The following TMEM219 variants were observed in gnomAD, a reference collection of about 807,000 sequenced individuals.
TMEM219 encodes transmembrane protein 219, also known as insulin-like growth factor-binding protein 3 receptor.
In TMEM219, 18 loss-of-function variants were observed where a neutral mutation model predicts 17.9. The ratio of observed to expected loss-of-function variants is 1.01; its 90% CI spans 0.70 to 1.49. The LOEUF is 1.49. Among genes scored for constraint, TMEM219 ranks in the 40% most tolerant of loss-of-function variants. The pLI, the probability that TMEM219 is intolerant of heterozygous loss-of-function variation, is 0.00. For missense variants in TMEM219, 288 were observed against 292.4 expected (o/e 0.99, Z 0.11); for synonymous variants, 113 against 124.0 (o/e 0.91, Z 0.59).
chr16:29,963,545 G>C lies in TMEM219; in HGVS notation c.311G>C (p.Arg104Pro). Residue 104 changes from arginine (R) to proline (P), a missense_variant, in exon 3 of 6, where the codon CGG (arginine) becomes CCG (proline). Transcript: ENST00000279396. ...FGDGPDRNKTRTFQATVLGSQ... is the reference protein window; with the variant it reads ...FGDGPDRNKTPTFQATVLGSQ... ...GACGGTCCAGACAGGAACAAGACCCGGACATTCCAGGCCACAGTCCTGGGA... is the reference window on the plus strand; with the variant it reads ...GACGGTCCAGACAGGAACAAGACCCCGACATTCCAGGCCACAGTCCTGGGA... 1 of 1,614,056 alleles carries C rather than the reference G, an allele frequency of 6.2e-7. No homozygotes were observed.
intron 3 of TMEM219, among the ~76,000 whole-genome samples, chr16:29,965,447 G>A (rs2069199801): frequency 6.6e-6 from 1 of 151,904 alleles, no homozygotes; most frequent in African/African-American, 2.4e-5. Flanking sequence ...GGCCGGATGT[G>A]GTGGCTCATG....
intron 3 of TMEM219, 31 bp downstream of exon 3, chr16:29,963,620 C>T (rs780191428): frequency 2.5e-5 from 40 of 1,596,170 alleles, no homozygotes; most frequent in African/African-American, 4.0e-5. Flanking sequence ...TGGTGGCTCA[C>T]GCCTGTAATC....
chr16:29,963,087 T>C lies in TMEM219; in HGVS notation c.-37-20T>C. ...CGTAAAAGCGGTGCTCTTGTCCCAT[T>C]CTCCCTCCCTGTCTTCCAGCAGGCT... On this transcript the variant is annotated intron_variant, in intron 1 of 5. Transcript: ENST00000279396. 6.3e-7 allele frequency: 1 copy of C among 1,588,654 alleles called. No homozygotes were observed. Among genetic ancestry groups the C allele is most frequent in the Non-Finnish European group, 8.6e-7 (1 of 1,169,350 alleles).
chr16:29,968,026 A>T lies in TMEM219; in HGVS notation c.357A>T (p.Gly119=), dbSNP rs2069235669. The T allele has an allele frequency of 1.2e-6, 2 of 1,612,746 alleles. No homozygotes were observed. The highest frequency in any genetic ancestry group is 2.2e-5 in the East Asian group (1 of 44,866). ...TVLGSQMGLK[G]SSAGQLVLIT... is the part of the protein sequence containing the mutation. ...TTTTCTCTTCTGTGCCTTTCACAGG[A>T]TCTTCTGCAGGACAACTGGTCCTTA... The change falls in exon 4 of 6, where the codon GGA becomes GGT. Residue 119 remains glycine (G), a splice_region_variant and synonymous_variant. Transcript: ENST00000279396.
chr16:29,971,752 G>T, intron 5 of TMEM219, 174 bp downstream of exon 5: 1 of 495,534 alleles, frequency 2.0e-6, no homozygotes, highest in Non-Finnish European at 3.5e-6. Flanking sequence ...GACACCGTCA[G>T]CATTCAATAT....
intron 4 of TMEM219, among the ~76,000 whole-genome samples, chr16:29,970,163 G>A (rs905718862): frequency 2.6e-5 from 4 of 151,728 alleles, no homozygotes; most frequent in African/African-American, 9.7e-5. Flanking sequence ...GAACCTGGGA[G>A]GCAGAGGTTG....
chr16:29,963,601 G>A lies in TMEM219; in HGVS notation c.355+12G>A. 1 of 1,610,638 alleles carries A rather than the reference G, an allele frequency of 6.2e-7. No homozygotes were observed. The highest frequency in any genetic ancestry group is 2.2e-5 in the East Asian group (1 of 44,818). ...GATGGGATTGAAAGGTGAGATCAGA[G>A]GCTGGGTGTGGTGGCTCACGCCTGT... On this transcript the variant is annotated intron_variant, in intron 3 of 5. Transcript: ENST00000279396.
chr16:29,963,644 AGG>A, intron 3 of TMEM219, 55 bp downstream of exon 3: 1 of 1,523,424 alleles, frequency 6.6e-7, no homozygotes, highest in Non-Finnish European at 8.9e-7. Context: ...ACACTTTGGG[AGG>A]CTAAGGTAGG....
At chr16:29,967,657 G>T (rs2069228090) in intron 3 of TMEM219, among the ~76,000 whole-genome samples, 1 of 152,206 alleles carries the variant, frequency 6.6e-6, no homozygotes, top group Non-Finnish European at 1.5e-5. Context: ...GCCGGGCACG[G>T]TGGCTCACGC....
At position 29,971,414 on chromosome 16, in the gene TMEM219, C is replaced by G. The variant is rs761356827; in HGVS notation, c.592C>G (p.Leu198Val). The change falls in exon 5 of 6, where the codon CTG becomes GTG. Residue 198 changes from leucine (L) to valine (V), a missense_variant. Coordinates refer to ENST00000279396, the MANE Select transcript of TMEM219 (RefSeq NM_001083613.2). ...VLTKLLTSEE[L>V]ALCGSRLLVL... ...TCCCTGTACCCCTCCCTAGGAGGAG[C>G]TGGCTCTGTGTGGCTCCAGGCTGCT... is the stretch of plus-strand genomic sequence containing the variant. 5.6e-6 allele frequency: 9 copies of G among 1,614,150 alleles called. No homozygotes were observed. The highest frequency in any genetic ancestry group is 3.3e-4 in the Middle Eastern group (2 of 6,062).
At chr16:29,962,870 T>G in intron 1 of TMEM219, 1 of 458,710 alleles carries the variant, frequency 2.2e-6, no homozygotes, top group Non-Finnish European at 4.0e-6. Flanking sequence ...TCAGTTTCCT[T>G]CTTCCAGCAC....
rs1325480907 is a variant in TMEM219, at chr16:29,971,473, C to A, written c.651C>A (p.Gly217=). The change falls in exon 5 of 6, where the codon GGC becomes GGA. Residue 217 remains glycine, a synonymous_variant. Coordinates refer to ENST00000279396, the MANE Select transcript of TMEM219 (RefSeq NM_001083613.2). Reference sequence around the variant, plus strand: ...GCTCCTTCCTGCTTCTCTTCTGTGGCCTTCTCTGCTGTGTCACTGCTATGT... The same window carrying A: ...GCTCCTTCCTGCTTCTCTTCTGTGGACTTCTCTGCTGTGTCACTGCTATGT... ...VLGSFLLLFC[G]LLCCVTAMCF... is the part of the protein sequence containing the mutation. 1 of 1,614,140 alleles carries A rather than the reference C, an allele frequency of 6.2e-7. No individual in the cohort carries two copies. Among genetic ancestry groups the A allele is most frequent in the African/African-American group, 1.3e-5 (1 of 75,018 alleles).
At chr16:29,970,361 A>G (rs36128746) in intron 4 of TMEM219, among the ~76,000 whole-genome samples, 1 of 130,394 alleles carries the variant, frequency 7.7e-6, no homozygotes, top group East Asian at 2.3e-4. Flanking sequence ...GTCTTGCTCT[A>G]TCGCCCAGGC....
intron 3 of TMEM219, among the ~76,000 whole-genome samples, chr16:29,966,684 TG>T (rs1276508465): frequency 6.6e-6 from 1 of 152,002 alleles, no homozygotes; most frequent in Non-Finnish European, 1.5e-5. Flanking sequence ...GGCATGGTCG[TG>T]GGCACCTGTA....
chr16:29,962,342 G>A (rs1030016177), intron 1 of TMEM219, among the ~76,000 whole-genome samples: 2 of 152,090 alleles, frequency 1.3e-5, no homozygotes, highest in African/African-American at 4.8e-5. Flanking sequence ...CTACATTTCC[G>A]TGGCTCCCTT....
chr16:29,962,860 T>G (rs1596574548), intron 1 of TMEM219: 1 of 438,410 alleles, frequency 2.3e-6, no homozygotes, highest in Non-Finnish European at 4.2e-6. Context: ...AGTCTCCCTT[T>G]CAGTTTCCTT....
chr16:29,963,583 T>C lies in TMEM219; in HGVS notation c.349T>C (p.Leu117=). 6.2e-7 allele frequency: 1 copy of C among 1,613,486 alleles called. No homozygotes were observed. The highest frequency in any genetic ancestry group is 8.5e-7 in the Non-Finnish European group (1 of 1,179,740). ...CACAGTCCTGGGAAGTCAGATGGGATTGAAAGGTGAGATCAGAGGCTGGGT... is the reference window on the plus strand; with the variant it reads ...CACAGTCCTGGGAAGTCAGATGGGACTGAAAGGTGAGATCAGAGGCTGGGT... The part of the protein sequence containing the change: ...QATVLGSQMG[L]KGSSAGQLVL... The change falls in exon 3 of 6, where the codon TTG becomes CTG. Residue 117 remains leucine (L), a synonymous_variant. Coordinates refer to ENST00000279396, the MANE Select transcript of TMEM219 (RefSeq NM_001083613.2).
intron 1 of TMEM219, among the ~76,000 whole-genome samples, chr16:29,962,472 G>C (rs910381236): frequency 6.6e-6 from 1 of 152,046 alleles, no homozygotes; most frequent in African/African-American, 2.4e-5. Flanking sequence ...TCAGATCTTG[G>C]CCCTACCCCT....
At chr16:29,971,309 C>T (rs1265730978) in intron 4 of TMEM219, 99 bp from the exon 5 acceptor site, 9 of 1,279,092 alleles carry the variant, frequency 7.0e-6, no homozygotes, top group Non-Finnish European at 9.9e-6. Context: ...TCAGTTGCTC[C>T]CTAGATGTGG....
Sources: gnomAD v4.1 joint callset for allele counts (sites outside exome capture counted in the v4.1 genomes callset) on GRCh38, gnomAD v4.1.1 for gene constraint, MANE v1.5 for transcripts, NCBI Gene and HGNC (gene_info 2026-07-23, HGNC 2026-07-21) for gene names.